PRKDC: variants seen among roughly 807,000 people sequenced by gnomAD.
The protein encoded by PRKDC is DNA-dependent protein kinase catalytic subunit.
Under a neutral mutation model 486.9 loss-of-function variants are expected in PRKDC, and 82 were observed. The observed-to-expected ratio is 0.17, with a 90% CI of 0.14 to 0.20. The LOEUF (loss-of-function observed/expected upper bound fraction) is 0.20, where lower values mean the gene tolerates loss of function less well. Among genes scored for constraint, PRKDC ranks in the 10% least tolerant of loss-of-function variants. The probability of loss-of-function intolerance (pLI) is 1.00; values close to 1 mark genes in which losing one functional copy is unlikely to be tolerated. For missense variants in PRKDC, 4,504 were observed against 5,038.2 expected, an observed-to-expected ratio of 0.89 and a Z score of 3.21; for synonymous variants, 1,895 against 1,837.0, an observed-to-expected ratio of 1.03 and a Z score of -0.81.
chr8:47,937,176 AC>A (rs2090367322), intron 11 of PRKDC, among the ~76,000 whole-genome samples: 1 of 151,570 alleles, frequency 6.6e-6, no homozygotes. Context: ...CAGGAGAATC[AC>A]TTGAACCCAG....
intron 72 of PRKDC, 21 bp from the exon 73 acceptor site, chr8:47,798,418 G>A (rs1210381896): frequency 1.3e-6 from 2 of 1,555,444 alleles, no homozygotes; most frequent in Non-Finnish European, 1.7e-6. Context: ...CACCAAAGAA[G>A]AAAGCAATGG....
intron 54 of PRKDC, among the ~76,000 whole-genome samples, chr8:47,843,216 G>C (rs974126044): frequency 6.6e-6 from 1 of 152,028 alleles, no homozygotes; most frequent in African/African-American, 2.4e-5. Context: ...CTGAACTTCC[G>C]GTTTTGAAAG....
At chr8:47,846,532 C>T (rs932852938) in intron 54 of PRKDC, among the ~76,000 whole-genome samples, 2 of 151,868 alleles carry the variant, frequency 1.3e-5, no homozygotes, top group Non-Finnish European at 2.9e-5. Context: ...CTATGACAAA[C>T]CCACAGCCTA....
chr8:47,879,443 A>T, intron 39 of PRKDC, 48 bp downstream of exon 39: 3 of 1,356,642 alleles, frequency 2.2e-6, no homozygotes, highest in Non-Finnish European at 3.0e-6. Flanking sequence ...ATGTAACAAG[A>T]AAAAAAAAAC....
intron 3 of PRKDC, 108 bp from the exon 4 acceptor site, chr8:47,956,056 T>C: frequency 1.2e-6 from 1 of 813,874 alleles, no homozygotes; most frequent in East Asian, 2.7e-5. Context: ...AAATTCAGTA[T>C]TTAGCTGTGG....
chr8:47,959,264 TAA>T (rs1160419661), intron 1 of PRKDC: 1 of 152,234 alleles, frequency 6.6e-6, no homozygotes, highest in South Asian at 2.1e-4. Flanking sequence ...CAGGCATTGC[TAA>T]AGAGTTAAAA....
chr8:47,855,474 G>C, intron 49 of PRKDC, 101 bp from the exon 50 acceptor site: 6 of 1,236,564 alleles, frequency 4.9e-6, no homozygotes, highest in Non-Finnish European at 6.6e-6. Context: ...CATTTTACAG[G>C]AGTCCGGCTC....
intron 68 of PRKDC, among the ~76,000 whole-genome samples, chr8:47,816,167 T>C (rs534832484): frequency 1.3e-5 from 2 of 151,938 alleles, no homozygotes; most frequent in Admixed American, 6.6e-5. Context: ...TGAGCTGAGA[T>C]TGTGCCACCG....
chr8:47,941,103 C>T (rs973730129), intron 10 of PRKDC, among the ~76,000 whole-genome samples: 13 of 148,498 alleles, frequency 8.8e-5, no homozygotes, highest in Non-Finnish European at 1.8e-4. Flanking sequence ...GCACTCCAGC[C>T]TGGGTGACAG....
chr8:47,853,976 T>G (rs1030499946), intron 51 of PRKDC, 107 bp downstream of exon 51: 2 of 1,393,492 alleles, frequency 1.4e-6, no homozygotes, highest in Non-Finnish European at 2.0e-6. Context: ...CCAGAAACAT[T>G]TGTAGCATGG....
intron 58 of PRKDC, 149 bp from the exon 59 acceptor site, chr8:47,834,545 A>G: frequency 1.3e-6 from 1 of 783,422 alleles, no homozygotes; most frequent in African/African-American, 1.7e-5. Context: ...GTCCCAGGGT[A>G]TGCCCCAAGG....
chr8:47,903,535 A>G (rs753594152), intron 26 of PRKDC, among the ~76,000 whole-genome samples: 1 of 152,186 alleles, frequency 6.6e-6, no homozygotes, highest in Non-Finnish European at 1.5e-5. Context: ...TAATGGGAGG[A>G]GAGGGTGCTT....
chr8:47,799,177 A>T lies in PRKDC; in HGVS notation c.10297+33T>A, dbSNP rs754258981. 7.4e-6 allele frequency: 12 copies of T among 1,611,758 alleles called. No individual in the cohort carries two copies. In the African/African-American group the frequency reaches 1.6e-4, roughly 22 times the overall value. On this transcript the variant is annotated intron_variant, in intron 72 of 85. Coordinates refer to ENST00000314191, the MANE Select transcript of PRKDC (RefSeq NM_006904.7). The stretch of plus-strand genomic sequence containing the variant: ...AATTCATAAGACTTTATGCTGACAT[A>T]ATGGAACACTAGCTTTTTAATTTTC...
intron 41 of PRKDC, among the ~76,000 whole-genome samples, chr8:47,863,902 A>G (rs1460226954): frequency 6.6e-6 from 1 of 152,232 alleles, no homozygotes; most frequent in African/African-American, 2.4e-5. Context: ...TGAAGTCTGC[A>G]TTAACAATGC....
chr8:47,860,996 T>C (rs2088665562), intron 44 of PRKDC, 25 bp from the exon 45 acceptor site: 4 of 1,470,794 alleles, frequency 2.7e-6, no homozygotes, highest in Admixed American at 2.1e-5. Context: ...AAATAAACAA[T>C]GTAAAACATT....
chr8:47,930,418 G>A (rs879401672), intron 17 of PRKDC, among the ~76,000 whole-genome samples: 21 of 152,042 alleles, frequency 1.4e-4, no homozygotes, highest in Non-Finnish European at 2.2e-4. Context: ...GACTACAGGC[G>A]CCTGACACTA....
chr8:47,921,116 G>C (rs542954381), intron 21 of PRKDC, among the ~76,000 whole-genome samples: 1 of 152,070 alleles, frequency 6.6e-6, no homozygotes, highest in Non-Finnish European at 1.5e-5. Flanking sequence ...TTAGCCAGGC[G>C]TGGTGGCGGG....
chr8:47,916,798 T>TA (rs2089991926), intron 22 of PRKDC, among the ~76,000 whole-genome samples: 1 of 152,188 alleles, frequency 6.6e-6, no homozygotes, highest in South Asian at 2.1e-4. Flanking sequence ...GGAGTATTTT[T>TA]AAAAATCTGT....
intron 58 of PRKDC, among the ~76,000 whole-genome samples, chr8:47,834,721 C>T (rs1351390187): frequency 1.5e-5 from 2 of 132,902 alleles, no homozygotes; most frequent in Non-Finnish European, 3.0e-5. Context: ...GACGGAGTCT[C>T]GCTCTGTGGC....
Sources: allele counts gnomAD v4.1 joint callset (sites outside exome capture counted in the v4.1 genomes callset), GRCh38; gene constraint gnomAD v4.1.1; transcripts MANE v1.5; gene names NCBI Gene and HGNC (gene_info 2026-07-23, HGNC 2026-07-21).